The following DYNAP variants were observed in gnomAD, a reference collection of about 807,000 sequenced individuals.
The protein encoded by DYNAP is dynactin associated protein.
DYNAP carries 7 observed loss-of-function variants against 8.5 expected under a neutral mutation model. The ratio of observed to expected loss-of-function variants is 0.82; its 90% confidence interval spans 0.47 to 1.54. The LOEUF is 1.54. DYNAP is among the 40% of genes most tolerant of loss of function. The probability of loss-of-function intolerance (pLI) is 0.01; values close to 1 mark genes in which losing one functional copy is unlikely to be tolerated. For synonymous variants in DYNAP, 77 were observed against 77.9 expected, an observed-to-expected ratio of 0.99 and a Z score of 0.06; for missense variants, 256 against 224.3, an observed-to-expected ratio of 1.14 and a Z score of -0.90.
chr18:54,597,633 T>G (rs1911352119), intron 2 of DYNAP, among the ~76,000 whole-genome samples, 180 bp from the exon 3 acceptor site: 1 of 152,070 alleles, frequency 6.6e-6, no homozygotes, highest in Non-Finnish European at 1.5e-5. Context: ...TTTCTTCTAA[T>G]GTAAGGGACA....
At chr18:54,596,504 T>G (rs776553706) in intron 2 of DYNAP, among the ~76,000 whole-genome samples, 1 of 152,052 alleles carries the variant, frequency 6.6e-6, no homozygotes, top group Non-Finnish European at 1.5e-5. Flanking sequence ...ACAACAATGG[T>G]TTTTAAAAGC....
chr18:54,595,830 C>T (rs963431338), intron 2 of DYNAP, among the ~76,000 whole-genome samples: 4 of 152,222 alleles, frequency 2.6e-5, no homozygotes, highest in Admixed American at 6.5e-5. Context: ...TCCTTCCTTT[C>T]GCTGCTTAGT....
the DYNAP span, among the ~76,000 whole-genome samples, chr18:54,576,425 T>A: frequency 6.6e-6 from 1 of 152,170 alleles, no homozygotes; most frequent in Non-Finnish European, 1.5e-5. Flanking sequence ...CTTTTAATTT[T>A]CATCTGTCAG....
chr18:54,576,663 A>C, the DYNAP span, among the ~76,000 whole-genome samples: 4 of 151,442 alleles, frequency 2.6e-5, no homozygotes, highest in African/African-American at 9.7e-5. Flanking sequence ...ATGAGCTGAG[A>C]GTGGTGGTGC....
upstream of DYNAP, among the ~76,000 whole-genome samples, chr18:54,588,296 C>T (rs1262817399): frequency 6.6e-6 from 1 of 151,582 alleles, no homozygotes; most frequent in East Asian, 1.9e-4. Context: ...ACCTCTGCCT[C>T]CTGGGTTCAA....
rs1413917600 is a variant in DYNAP, at chr18:54,591,281, GA to G, written c.1del. ...GAAGCTTGTGATACTGGCAGCTCAA[GA>G]ATGGACAGAAAGCATGGAAAATACA... On this transcript the variant is annotated 5_prime_UTR_variant, in exon 1 of 3. Transcript: ENST00000648945. The G allele has an allele frequency of 6.2e-7, 1 of 1,613,020 alleles. No homozygotes were observed.
At chr18:54,587,880 T>C, upstream of DYNAP, 1 of 400,766 alleles carries the variant, frequency 2.5e-6, no homozygotes, top group Non-Finnish European at 4.4e-6. Flanking sequence ...AGTCATGAAT[T>C]CCTAGTCGCT....
intron 1 of DYNAP, among the ~76,000 whole-genome samples, chr18:54,594,503 C>T (rs1911205135): frequency 6.6e-6 from 1 of 152,120 alleles, no homozygotes; most frequent in African/African-American, 2.4e-5. Flanking sequence ...GTCTGAGCTC[C>T]TGTGCTAGCT....
At chr18:54,591,776 T>TAAGA (rs1911086166) in intron 1 of DYNAP, among the ~76,000 whole-genome samples, 1 of 152,142 alleles carries the variant, frequency 6.6e-6, no homozygotes. Context: ...TTAATATTCC[T>TAAGA]AAGAAAGAAA....
intron 2 of DYNAP, among the ~76,000 whole-genome samples, chr18:54,596,488 G>T (rs1490836330): frequency 6.6e-6 from 1 of 152,104 alleles, no homozygotes; most frequent in Non-Finnish European, 1.5e-5. Context: ...GGGGGGTGGG[G>T]CCCATACAAC....
the DYNAP span, among the ~76,000 whole-genome samples, chr18:54,582,754 G>T: frequency 6.6e-6 from 1 of 152,130 alleles, no homozygotes; most frequent in African/African-American, 2.4e-5. Flanking sequence ...AGCACTGCTT[G>T]TCTCTCTTTT....
Position 54,591,329 on chromosome 18 carries a change from A to C in DYNAP, c.47A>C (p.Glu16Ala). ...GKYILNVEHS[E>A]NQPPITHPND... ...TACATATTGAACGTTGAGCACTCTG[A>C]AAACCAGCCGGTGAGTGTCCTTGCT... is the stretch of plus-strand genomic sequence containing the variant. The change falls in exon 1 of 3, where the codon GAA (glutamate) becomes GCA (alanine). Residue 16 changes from glutamate (E) to alanine (A), a missense_variant. Transcript: ENST00000648945. 6.2e-7 allele frequency: 1 copy of C among 1,607,196 alleles called. No individual in the cohort carries two copies. Among genetic ancestry groups the C allele is most frequent in the Non-Finnish European group, 8.5e-7 (1 of 1,176,590 alleles).
In DYNAP at chr18:54,598,373, A is replaced by C; in HGVS notation, c.*228A>C. Reference sequence around the variant, plus strand: ...TTCGACCATCTCTTTGACTGAATCAACAACTACATTCCCTTCAACTGAATC... The same window carrying C: ...TTCGACCATCTCTTTGACTGAATCACCAACTACATTCCCTTCAACTGAATC... On this transcript the variant is annotated 3_prime_UTR_variant, in exon 3 of 3. Coordinates refer to ENST00000648945, the MANE Select transcript of DYNAP (RefSeq NM_173629.3). 1.9e-6 allele frequency: 1 copy of C among 514,128 alleles called. No homozygotes were observed. Among genetic ancestry groups the C allele is most frequent in the Middle Eastern group, 4.7e-4 (1 of 2,146 alleles). 31.8% of individuals were successfully genotyped at this position (514,128 alleles called of 1,614,324 possible). A position where few individuals can be genotyped will look rare whatever the true frequency, so the allele number is the denominator to read the frequency against.
At chr18:54,584,603 A>G (rs1272710267), upstream of DYNAP, among the ~76,000 whole-genome samples, 1 of 152,192 alleles carries the variant, frequency 6.6e-6, no homozygotes. Context: ...TATTTTTGGA[A>G]TATATTAAAA....
the DYNAP span, among the ~76,000 whole-genome samples, chr18:54,576,008 G>T: frequency 6.6e-6 from 1 of 151,970 alleles, no homozygotes; most frequent in African/African-American, 2.4e-5. Context: ...GAAATCATAC[G>T]TGTCTGATAT....
Position 54,597,896 on chromosome 18 carries a change from T to C in DYNAP, c.306T>C (p.Ile102=), listed in dbSNP as rs768697989. 10 of 1,613,636 alleles carry C rather than the reference T, an allele frequency of 6.2e-6. No homozygotes were observed. The highest frequency in any genetic ancestry group is 8.5e-6 in the Non-Finnish European group (10 of 1,179,716). ...TAGCCTGTGTGATAATGACAGCAATTGGAGTACTTATAATATGCTTGGTGA... is the reference window on the plus strand; with the variant it reads ...TAGCCTGTGTGATAATGACAGCAATCGGAGTACTTATAATATGCTTGGTGA... ...CLLACVIMTA[I]GVLIICLVNN... Residue 102 remains isoleucine, a synonymous_variant, in exon 3 of 3, where the codon ATT becomes ATC. Coordinates refer to ENST00000648945, the MANE Select transcript of DYNAP (RefSeq NM_173629.3).
chr18:54,580,701 T>C, the DYNAP span, among the ~76,000 whole-genome samples: 1 of 152,232 alleles, frequency 6.6e-6, no homozygotes, highest in Non-Finnish European at 1.5e-5. Context: ...TCTACAATGC[T>C]ATCACAGGTG....
upstream of DYNAP, among the ~76,000 whole-genome samples, chr18:54,584,307 T>A (rs1910807885): frequency 6.7e-6 from 1 of 148,706 alleles, no homozygotes; most frequent in Non-Finnish European, 1.5e-5. Context: ...TATAAATATT[T>A]AATAAATATG....
At chr18:54,587,128 T>C (rs1910907480), upstream of DYNAP, among the ~76,000 whole-genome samples, 1 of 152,222 alleles carries the variant, frequency 6.6e-6, no homozygotes, top group Non-Finnish European at 1.5e-5. Flanking sequence ...TTGATGAAGC[T>C]ATATTTTCTT....
Sources: allele counts gnomAD v4.1 joint callset (sites outside exome capture counted in the v4.1 genomes callset), GRCh38; gene constraint gnomAD v4.1.1; transcripts MANE v1.5; gene names NCBI Gene and HGNC (gene_info 2026-07-23, HGNC 2026-07-21).